The following DPP10 variants were observed in gnomAD, a reference collection of about 807,000 sequenced individuals.
The protein encoded by DPP10 is dipeptidyl peptidase like 10.
Under a neutral mutation model 120.9 loss-of-function variants are expected in DPP10, and 33 were observed. That is an observed-to-expected ratio of 0.27 (90% CI 0.21 to 0.37). The LOEUF is 0.37. Among genes scored for constraint, DPP10 ranks in the 10% least tolerant of loss-of-function variants. The pLI, the probability that DPP10 is intolerant of heterozygous loss-of-function variation, is 1.00. For missense variants in DPP10, 816 were observed against 942.8 expected, an observed-to-expected ratio of 0.87 and a Z score of 1.76; for synonymous variants, 337 against 326.1, an observed-to-expected ratio of 1.03 and a Z score of -0.36.
At chr2:115,715,603 C>A (rs1404814653) in intron 7 of DPP10, among the ~76,000 whole-genome samples, 1 of 152,160 alleles carries the variant, frequency 6.6e-6, no homozygotes, top group Non-Finnish European at 1.5e-5. Flanking sequence ...TGTTCAGCAA[C>A]AGGGGCTGTG....
rs141129607 is a variant in DPP10 at position 115,748,825 on chromosome 2, A to T, written c.950+2642A>T. ...AAAGGATAAGATAATCTACAGAAAG[A>T]CATAATTTCTTCTCCTAATTCTTAC... On this transcript the variant is annotated intron_variant, in intron 10 of 25. Transcript: ENST00000410059. Among the ~76,000 whole-genome samples the T allele has an allele frequency of 3.0e-3, 459 of 152,302 alleles. 2 individuals carry two copies. The highest frequency in any genetic ancestry group is 0.01 in the Middle Eastern group (3 of 294).
chr2:114,734,755 C>T (rs1296884409), intron 1 of DPP10, among the ~76,000 whole-genome samples: 1 of 152,160 alleles, frequency 6.6e-6, no homozygotes, highest in African/African-American at 2.4e-5. Context: ...TCTCTCAGTT[C>T]TAGTTGTTAT....
intron 1 of DPP10, among the ~76,000 whole-genome samples, chr2:115,030,732 G>A (rs1703783285): frequency 6.6e-6 from 1 of 152,130 alleles, no homozygotes; most frequent in Admixed American, 6.5e-5. Context: ...GTGAGAACAT[G>A]CAGTATTTGG....
At chr2:114,681,165 G>T (rs1008994614) in intron 1 of DPP10, among the ~76,000 whole-genome samples, 9 of 151,856 alleles carry the variant, frequency 5.9e-5, no homozygotes, top group Middle Eastern at 3.4e-3. Context: ...AATCATATTA[G>T]CCTATCATGT....
chr2:114,889,409 T>C (rs1443395259), intron 1 of DPP10, among the ~76,000 whole-genome samples: 2 of 151,760 alleles, frequency 1.3e-5, no homozygotes, highest in African/African-American at 4.8e-5. Context: ...TGAAATTTTA[T>C]ACATTATATA....
At chr2:115,531,902 T>C (rs2078490901) in intron 5 of DPP10, among the ~76,000 whole-genome samples, 1 of 152,132 alleles carries the variant, frequency 6.6e-6, no homozygotes, top group African/African-American at 2.4e-5. Context: ...TTTGTGTATC[T>C]CTTATTTTAC....
chr2:114,895,309 T>C (rs140224255), intron 1 of DPP10, among the ~76,000 whole-genome samples: 4 of 152,354 alleles, frequency 2.6e-5, no homozygotes, highest in African/African-American at 4.8e-5. Flanking sequence ...GGTCGAAGAA[T>C]TGAAGCACTA....
chr2:115,735,257 G>T (rs1186722522), intron 8 of DPP10, among the ~76,000 whole-genome samples: 1 of 152,108 alleles, frequency 6.6e-6, no homozygotes, highest in Non-Finnish European at 1.5e-5. Context: ...TTGTTTCATT[G>T]CAGGATGGTA....
At chr2:115,578,538 T>G (rs1334933922) in intron 5 of DPP10, among the ~76,000 whole-genome samples, 1 of 152,174 alleles carries the variant, frequency 6.6e-6, no homozygotes. Flanking sequence ...CCATTTGCAT[T>G]CAGTCCTCAG....
chr2:115,671,065 A>AG (rs1396273387), intron 5 of DPP10, among the ~76,000 whole-genome samples: 1 of 152,092 alleles, frequency 6.6e-6, no homozygotes, highest in Non-Finnish European at 1.5e-5. Flanking sequence ...GTCTAAAAAA[A>AG]CACTGGGAGT....
intron 1 of DPP10, among the ~76,000 whole-genome samples, chr2:115,296,603 T>A (rs180915595): frequency 8.2e-4 from 125 of 152,222 alleles, no homozygotes; most frequent in Non-Finnish European, 1.2e-3. Flanking sequence ...AGGATAGATT[T>A]GATCTTTAGC....
At chr2:114,619,424 T>C (rs1469504051) in intron 1 of DPP10, among the ~76,000 whole-genome samples, 11 of 150,260 alleles carry the variant, frequency 7.3e-5, no homozygotes, top group African/African-American at 2.5e-4. Flanking sequence ...CACACACATA[T>C]AGTGAGAGAG....
At chr2:115,279,962 T>A (rs997178260) in intron 1 of DPP10, among the ~76,000 whole-genome samples, 1 of 152,152 alleles carries the variant, frequency 6.6e-6, no homozygotes, top group Admixed American at 6.5e-5. Context: ...CACTTTAAGC[T>A]TTCTTATGAT....
intron 1 of DPP10, among the ~76,000 whole-genome samples, chr2:114,908,788 T>C (rs1020550514): frequency 5.9e-5 from 9 of 151,764 alleles, no homozygotes; most frequent in African/African-American, 7.2e-5. Context: ...TGATGAATTA[T>C]CTTGCTTGAT....
intron 1 of DPP10, among the ~76,000 whole-genome samples, chr2:114,561,198 CA>C (rs1335669791): frequency 1.3e-5 from 2 of 152,168 alleles, no homozygotes; most frequent in East Asian, 1.9e-4. Flanking sequence ...CTGACCTCTC[CA>C]AATAGATTAC....
At chr2:115,185,627 T>C (rs1423136304) in intron 1 of DPP10, among the ~76,000 whole-genome samples, 2 of 152,110 alleles carry the variant, frequency 1.3e-5, no homozygotes, top group African/African-American at 2.4e-5. Flanking sequence ...CTGAGGAAAA[T>C]TGCATTAAGA....
chr2:115,815,133 T>A, intron 20 of DPP10, 146 bp downstream of exon 20: 1 of 710,174 alleles, frequency 1.4e-6, no homozygotes. Context: ...ATTTCATTTT[T>A]TTTTTGAAGT....
In DPP10 at chr2:115,513,559, T is replaced by C. The variant is rs2148847533; in HGVS notation, c.367-12339T>C. 1.3e-5 allele frequency among the ~76,000 whole-genome samples: 2 copies of C among 152,132 alleles called. 1 individual carries two copies. Among genetic ancestry groups the C allele is most frequent in the South Asian group, 4.1e-4 (2 of 4,828 alleles). On this transcript the variant is annotated intron_variant, in intron 4 of 25. Coordinates refer to ENST00000410059, the MANE Select transcript of DPP10 (RefSeq NM_020868.6). Reference sequence around the variant, plus strand: ...ATTTTTTGTGTTATTTATTTAGCCATTGCCTTGTAATTTACAACTAGCATC... The same window carrying C: ...ATTTTTTGTGTTATTTATTTAGCCACTGCCTTGTAATTTACAACTAGCATC...
At chr2:114,483,582 A>T (rs1681249391) in intron 1 of DPP10, among the ~76,000 whole-genome samples, 1 of 152,150 alleles carries the variant, frequency 6.6e-6, no homozygotes, top group African/African-American at 2.4e-5. Context: ...CTTTCAAAAT[A>T]AAAATAAAAA....
Sources: gnomAD v4.1 joint callset for allele counts (sites outside exome capture counted in the v4.1 genomes callset) on GRCh38, gnomAD v4.1.1 for gene constraint, MANE v1.5 for transcripts, NCBI Gene and HGNC (gene_info 2026-07-23, HGNC 2026-07-21) for gene names.